The following ZNF680 variants were observed in gnomAD, a reference collection of about 807,000 sequenced individuals.
ZNF680 encodes zinc finger protein 680, also known as hypothetical protein FLJ90430.
ZNF680 carries 6 observed loss-of-function variants against 12.1 expected under a neutral mutation model. The observed-to-expected ratio is 0.49, with a 90% CI of 0.27 to 0.98. The LOEUF is 0.98. Ranked by LOEUF, ZNF680 falls within the 50% of genes least tolerant of loss-of-function variation. ZNF680 has a pLI of 0.12. For synonymous variants in ZNF680, 170 were observed against 199.3 expected (o/e 0.85, Z 1.24); for missense variants, 561 against 616.3 (o/e 0.91, Z 0.95).
chr7:64,551,275 G>A (rs1210937982), intron 1 of ZNF680, among the ~76,000 whole-genome samples: 1 of 152,174 alleles, frequency 6.6e-6, no homozygotes, highest in East Asian at 1.9e-4. Context: ...AGAAACATTT[G>A]AATAGTGTGC....
At chr7:64,556,795 A>C (rs1012179040) in intron 1 of ZNF680, among the ~76,000 whole-genome samples, 2 of 152,240 alleles carry the variant, frequency 1.3e-5, no homozygotes, top group African/African-American at 2.4e-5. Flanking sequence ...ACAAAAGCAA[A>C]ACTTGATAAA....
intron 1 of ZNF680, among the ~76,000 whole-genome samples, chr7:64,553,709 C>A (rs1221934324): frequency 1.3e-5 from 2 of 152,244 alleles, no homozygotes; most frequent in Non-Finnish European, 2.9e-5. Flanking sequence ...CCTCAGCCTG[C>A]CAAGTGCCTG....
At chr7:64,543,853 C>A in intron 2 of ZNF680, 51 bp from the exon 3 acceptor site, 1 of 1,482,704 alleles carries the variant, frequency 6.7e-7, no homozygotes, top group Non-Finnish European at 9.4e-7. Flanking sequence ...TCTCCAATTA[C>A]CAAACTACTA....
intron 3 of ZNF680, among the ~76,000 whole-genome samples, chr7:64,528,462 A>G (rs778246899): frequency 1.1e-4 from 16 of 152,148 alleles, no homozygotes; most frequent in African/African-American, 1.7e-4. Context: ...CTGCGTGAAA[A>G]CAGTCTTGGT....
chr7:64,554,014 A>G (rs1489247595), intron 1 of ZNF680, among the ~76,000 whole-genome samples: 2 of 150,546 alleles, frequency 1.3e-5, no homozygotes, highest in African/African-American at 2.4e-5. Flanking sequence ...CACCCCGTCT[A>G]GGAAGTGAGG....
chr7:64,541,492 C>G (rs1786495245), intron 3 of ZNF680, among the ~76,000 whole-genome samples: 1 of 152,092 alleles, frequency 6.6e-6, no homozygotes, highest in Non-Finnish European at 1.5e-5. Context: ...CTGCTTCAGG[C>G]CAGGATTTCA....
At chr7:64,525,651 T>C (rs1791798783) in intron 3 of ZNF680, 4 of 549,300 alleles carry the variant, frequency 7.3e-6, no homozygotes, top group Non-Finnish European at 9.3e-6. Context: ...AAAATAAACA[T>C]TTAAAAATAT....
intron 3 of ZNF680, among the ~76,000 whole-genome samples, chr7:64,523,680 G>A (rs1176076627): frequency 3.3e-5 from 5 of 152,188 alleles, no homozygotes; most frequent in East Asian, 1.9e-4. Flanking sequence ...TTGGGAGGCC[G>A]AGGCGGGCGG....
At chr7:64,518,069 G>A (rs1181964539), downstream of ZNF680, among the ~76,000 whole-genome samples, 1 of 151,988 alleles carries the variant, frequency 6.6e-6, no homozygotes, top group African/African-American at 2.4e-5. Context: ...ACATAGCACT[G>A]AAGTCCTAGC....
intron 1 of ZNF680, among the ~76,000 whole-genome samples, chr7:64,547,370 G>A (rs1286254282): frequency 6.6e-6 from 1 of 152,124 alleles, no homozygotes; most frequent in African/African-American, 2.4e-5. Flanking sequence ...ATTCTTTGCT[G>A]GTCCTTTAAA....
chr7:64,530,920 T>A (rs1785840378), intron 3 of ZNF680, among the ~76,000 whole-genome samples: 1 of 150,508 alleles, frequency 6.6e-6, no homozygotes, highest in Non-Finnish European at 1.5e-5. Flanking sequence ...TAAAAGGCCT[T>A]GTCCAACAGA....
the ZNF680 span, among the ~76,000 whole-genome samples, chr7:64,503,311 T>C: frequency 6.6e-6 from 1 of 151,416 alleles, no homozygotes; most frequent in South Asian, 2.1e-4. Context: ...CTAAAGGTGG[T>C]AAATCAAGAA....
At chr7:64,543,919 C>T in intron 2 of ZNF680, 117 bp from the exon 3 acceptor site, 1 of 869,046 alleles carries the variant, frequency 1.2e-6, no homozygotes, top group Non-Finnish European at 1.8e-6. Context: ...TCCCAAATTA[C>T]TAATTTATAA....
Position 64,522,517 on chromosome 7 carries a change from T to C in ZNF680, c.254-17A>G, listed in dbSNP as rs1791601540. 7.1e-7 allele frequency: 1 copy of C among 1,412,326 alleles called. No individual in the cohort carries two copies. The highest frequency in any genetic ancestry group is 9.3e-7 in the Non-Finnish European group (1 of 1,078,376). 87.5% of individuals were successfully genotyped at this position (1,412,326 alleles called of 1,614,324 possible). A position where few individuals can be genotyped will look rare whatever the true frequency, so the allele number is the denominator to read the frequency against. ...AATATATAACTGAAAGACATAAAAG[T>C]AACAAATTACACCACTTCCTAGACT... is the stretch of plus-strand genomic sequence containing the variant. On this transcript the variant is annotated splice_polypyrimidine_tract_variant and intron_variant, in intron 3 of 3. Coordinates refer to ENST00000309683, the MANE Select transcript of ZNF680 (RefSeq NM_178558.5).
chr7:64,554,837 G>C (rs1787317890), intron 1 of ZNF680, among the ~76,000 whole-genome samples: 1 of 152,064 alleles, frequency 6.6e-6, no homozygotes, highest in African/African-American at 2.4e-5. Flanking sequence ...AGTACCCAGG[G>C]ACACAAACAC....
chr7:64,501,180 C>T, the ZNF680 span: 1 of 867,384 alleles, frequency 1.2e-6, no homozygotes, highest in Non-Finnish European at 2.0e-6. Context: ...TATTCAGCTC[C>T]TCTCTTGACT....
the ZNF680 span, among the ~76,000 whole-genome samples, chr7:64,514,636 T>A: frequency 1.3e-5 from 2 of 152,088 alleles, no homozygotes; most frequent in Non-Finnish European, 2.9e-5. Context: ...CACTCATTAA[T>A]AAAACTCATA....
At chr7:64,504,080 TAAG>T in the ZNF680 span, among the ~76,000 whole-genome samples, 1 of 152,240 alleles carries the variant, frequency 6.6e-6, no homozygotes, top group Non-Finnish European at 1.5e-5. Flanking sequence ...TTATTTTAAA[TAAG>T]AATATTGTGA....
At chr7:64,556,314 CAA>C (rs1436372707) in intron 1 of ZNF680, among the ~76,000 whole-genome samples, 2 of 128,612 alleles carry the variant, frequency 1.6e-5, no homozygotes, top group Non-Finnish European at 3.4e-5. Context: ...GAAAAAAAAC[CAA>C]AAACCTGAAT....
Sources: allele counts gnomAD v4.1 joint callset (sites outside exome capture counted in the v4.1 genomes callset), GRCh38; gene constraint gnomAD v4.1.1; transcripts MANE v1.5; gene names NCBI Gene and HGNC (gene_info 2026-07-23, HGNC 2026-07-21).